Variants in RASA1 observed in about 807,000 individuals in gnomAD.
RASA1 encodes ras GTPase-activating protein 1.
A neutral mutation model predicts 132.2 loss-of-function variants in RASA1; 25 were observed. The ratio of observed to expected loss-of-function variants is 0.19; its 90% CI spans 0.14 to 0.26. The LOEUF (loss-of-function observed/expected upper bound fraction) is 0.26. Among genes scored for constraint, RASA1 ranks in the 10% least tolerant of loss-of-function variants. RASA1 has a pLI of 1.00. For synonymous variants in RASA1, 477 were observed against 449.9 expected (o/e 1.06, Z -0.76); for missense variants, 964 against 1,299.2 (o/e 0.74, Z 3.97).
intron 4 of RASA1, 128 bp from the exon 5 acceptor site, chr5:87,337,846 G>A (rs768148949): frequency 2.1e-6 from 2 of 948,626 alleles, no homozygotes; most frequent in Non-Finnish European, 3.0e-6. Context: ...CAAATTTAGG[G>A]TGTTTGACTC....
intron 1 of RASA1, among the ~76,000 whole-genome samples, chr5:87,322,286 A>T (rs1756880464): frequency 6.6e-6 from 1 of 152,124 alleles, no homozygotes; most frequent in African/African-American, 2.4e-5. Context: ...CCACCTTCTG[A>T]TCAGCAGAGC....
intron 1 of RASA1, among the ~76,000 whole-genome samples, chr5:87,318,152 A>C (rs891211679): frequency 6.6e-6 from 1 of 152,198 alleles, no homozygotes; most frequent in African/African-American, 2.4e-5. Context: ...TCCAGAGAAC[A>C]GTTCTACCTG....
chr5:87,382,155 T>C (rs1204726774), intron 20 of RASA1, among the ~76,000 whole-genome samples: 2 of 152,180 alleles, frequency 1.3e-5, no homozygotes, highest in Non-Finnish European at 2.9e-5. Flanking sequence ...TTAGACCATG[T>C]TGGCCAGGCT....
intron 3 of RASA1, among the ~76,000 whole-genome samples, chr5:87,332,861 A>G (rs1376797100): frequency 6.6e-6 from 1 of 152,170 alleles, no homozygotes; most frequent in African/African-American, 2.4e-5. Flanking sequence ...AGATTAAAAG[A>G]AAATACTGTA....
intron 1 of RASA1, among the ~76,000 whole-genome samples, chr5:87,306,905 C>T (rs1354254114): frequency 6.6e-6 from 1 of 152,170 alleles, no homozygotes; most frequent in Non-Finnish European, 1.5e-5. Flanking sequence ...GTCACCCAGA[C>T]TGGAGTGCAA....
At chr5:87,354,311 A>G (rs970738438) in intron 9 of RASA1, among the ~76,000 whole-genome samples, 3 of 152,138 alleles carry the variant, frequency 2.0e-5, no homozygotes, top group Non-Finnish European at 2.9e-5. Flanking sequence ...AAGGACGTCT[A>G]TTGCGACTGT....
At chr5:87,360,956 A>G (rs1473848131) in intron 9 of RASA1, among the ~76,000 whole-genome samples, 1 of 152,252 alleles carries the variant, frequency 6.6e-6, no homozygotes, top group Non-Finnish European at 1.5e-5. Context: ...AAAGCTAAAA[A>G]GACAGCAAAG....
chr5:87,361,968 AGAG>A lies in RASA1; in HGVS notation c.1333-577_1333-575del, dbSNP rs759203809. On this transcript the variant is annotated intron_variant, in intron 9 of 24. Transcript: ENST00000274376. Reference sequence around the variant, plus strand: ...AAGCATGGGAATGTTGCAGAGTGGCAGAGGAGGATTATCTGAAATCATGGTTAT... The same window carrying A: ...AAGCATGGGAATGTTGCAGAGTGGCAGAGGATTATCTGAAATCATGGTTAT... Among the ~76,000 whole-genome samples the A allele has an allele frequency of 3.9e-5, 6 of 152,194 alleles. No homozygotes were observed. The South Asian group carries it at 6.2e-4, about 16-fold the overall frequency.
At chr5:87,300,544 T>G (rs1755316252) in intron 1 of RASA1, among the ~76,000 whole-genome samples, 1 of 152,146 alleles carries the variant, frequency 6.6e-6, no homozygotes, top group African/African-American at 2.4e-5. Context: ...ACAAGAAAGC[T>G]TCCCTAGCTG....
intron 1 of RASA1, among the ~76,000 whole-genome samples, chr5:87,274,526 A>G (rs576166866): frequency 4.6e-5 from 7 of 152,274 alleles, no homozygotes; most frequent in African/African-American, 1.4e-4. Context: ...CTGTATTTGT[A>G]TAAGTAGCAG....
chr5:87,365,801 T>G (rs577709804), intron 11 of RASA1, among the ~76,000 whole-genome samples: 1 of 152,072 alleles, frequency 6.6e-6, no homozygotes, highest in Non-Finnish European at 1.5e-5. Context: ...GAAGGTCCTA[T>G]GGAAATGCTA....
At chr5:87,310,775 T>G (rs1252449865) in intron 1 of RASA1, among the ~76,000 whole-genome samples, 1 of 152,208 alleles carries the variant, frequency 6.6e-6, no homozygotes, top group Non-Finnish European at 1.5e-5. Flanking sequence ...ATTTTCAGTT[T>G]CTTGACATTT....
intron 22 of RASA1, among the ~76,000 whole-genome samples, chr5:87,386,170 TAGAG>T (rs1253647378): frequency 3.3e-5 from 5 of 152,046 alleles, no homozygotes; most frequent in African/African-American, 9.7e-5. Context: ...TTATTACTGT[TAGAG>T]AGACTTTCAT....
In RASA1 at chr5:87,365,730, T is replaced by C. The variant is rs557420485; in HGVS notation, c.1610+2226T>C. Among the ~76,000 whole-genome samples, 11 of 152,250 alleles carry C rather than the reference T, an allele frequency of 7.2e-5. No individual in the cohort carries two copies. The Middle Eastern group carries it at 0.01, about 141-fold the overall frequency. On this transcript the variant is annotated intron_variant, in intron 11 of 24. Coordinates refer to ENST00000274376, the MANE Select transcript of RASA1 (RefSeq NM_002890.3). ...TAATTTTAAAAAAATGTAACTCACT[T>C]ACTAGGACCTGAAAGAAATACATTT...
At chr5:87,305,106 C>G (rs899044480) in intron 1 of RASA1, among the ~76,000 whole-genome samples, 6 of 152,076 alleles carry the variant, frequency 3.9e-5, no homozygotes, top group African/African-American at 7.3e-5. Context: ...ATTCTCTCTG[C>G]TTTCCAGTAT....
intron 1 of RASA1, among the ~76,000 whole-genome samples, chr5:87,289,759 T>C (rs1236553549): frequency 1.3e-5 from 2 of 152,122 alleles, no homozygotes; most frequent in African/African-American, 4.8e-5. Context: ...TACAGATGCA[T>C]GCCACCATGC....
intron 1 of RASA1, among the ~76,000 whole-genome samples, chr5:87,308,369 TGATTGCCTCCATATTG>T (rs1169561616): frequency 6.6e-6 from 1 of 152,170 alleles, no homozygotes; most frequent in Non-Finnish European, 1.5e-5. Context: ...CCTTAAGTTC[TGATTGCCTCCATATTG>T]AGCTCTTGGA....
At chr5:87,351,235 A>G (rs1245027937) in intron 8 of RASA1, among the ~76,000 whole-genome samples, 1 of 151,748 alleles carries the variant, frequency 6.6e-6, no homozygotes, top group Non-Finnish European at 1.5e-5. Context: ...GCAGCCATTT[A>G]TCGACTTATC....
rs139654168 is a variant in RASA1, at chr5:87,366,647, GAAT to G, written c.1610+3144_1610+3146del. ...AGACATTAGAAAAAGTCTTTGTAAT[GAAT>G]TATATTTAATGATACCAGGTCTGAA... On this transcript the variant is annotated intron_variant, in intron 11 of 24. Transcript: ENST00000274376. 7.5e-3 allele frequency among the ~76,000 whole-genome samples: 1,139 copies of G among 152,296 alleles called. 17 individuals carry two copies. The highest frequency in any genetic ancestry group is 0.027 in the African/African-American group (1,102 of 41,570).
Sources: allele counts gnomAD v4.1 joint callset (sites outside exome capture counted in the v4.1 genomes callset), GRCh38; gene constraint gnomAD v4.1.1; transcripts MANE v1.5; gene names NCBI Gene and HGNC (gene_info 2026-07-23, HGNC 2026-07-21).